Variants in DLG1 observed in about 807,000 individuals in gnomAD.
DLG1 encodes disks large homolog 1.
A neutral mutation model predicts 123.4 loss-of-function variants in DLG1; 42 were observed. The ratio of observed to expected loss-of-function variants is 0.34; its 90% CI spans 0.27 to 0.44. The LOEUF is 0.44. DLG1 is among the 20% of genes least tolerant of loss of function. The pLI, the probability that DLG1 is intolerant of heterozygous loss-of-function variation, is 1.00. For missense variants in DLG1, 942 were observed against 1,082.6 expected (o/e 0.87, Z 1.82); for synonymous variants, 317 against 356.2 (o/e 0.89, Z 1.24).
chr3:197,198,299 C>G (rs1239931707), intron 4 of DLG1, among the ~76,000 whole-genome samples: 1 of 152,008 alleles, frequency 6.6e-6, no homozygotes, highest in Non-Finnish European at 1.5e-5. Context: ...ACTAGCCTTA[C>G]TAATATAGTC....
intron 7 of DLG1, among the ~76,000 whole-genome samples, 170 bp downstream of exon 7, chr3:197,142,548 T>A (rs1788553434): frequency 6.6e-6 from 1 of 152,172 alleles, no homozygotes; most frequent in Admixed American, 6.5e-5. Flanking sequence ...AAAAATAAGG[T>A]TACTAAAGAA....
intron 17 of DLG1, among the ~76,000 whole-genome samples, chr3:197,077,563 G>A (rs1233654437): frequency 5.9e-5 from 9 of 152,166 alleles, no homozygotes; most frequent in African/African-American, 1.7e-4. Context: ...GTCCTTCATA[G>A]GGAATAAAAA....
At chr3:197,183,494 A>G (rs1238127742) in intron 5 of DLG1, 66 of 1,286,800 alleles carry the variant, frequency 5.1e-5, no homozygotes, top group Non-Finnish European at 6.7e-5. Flanking sequence ...TCTTTAAATA[A>G]AAAATCTATA....
intron 11 of DLG1, among the ~76,000 whole-genome samples, chr3:197,121,978 T>C (rs184246870): frequency 6.8e-4 from 104 of 152,108 alleles, no homozygotes; most frequent in African/African-American, 9.4e-4. Context: ...GATAGCTTCA[T>C]TGGAAAATTC....
At chr3:197,167,805 G>A (rs926568901) in intron 5 of DLG1, among the ~76,000 whole-genome samples, 9 of 152,066 alleles carry the variant, frequency 5.9e-5, no homozygotes, top group Admixed American at 3.3e-4. Context: ...AGTAACAAAC[G>A]TATCTATCAC....
chr3:197,275,274 G>T (rs773232959), intron 4 of DLG1, among the ~76,000 whole-genome samples: 4 of 152,146 alleles, frequency 2.6e-5, no homozygotes, highest in Non-Finnish European at 5.9e-5. Context: ...TCTGGCTACG[G>T]ATGTAAAGAA....
At chr3:197,222,223 C>A (rs1483359250) in intron 4 of DLG1, among the ~76,000 whole-genome samples, 2 of 152,126 alleles carry the variant, frequency 1.3e-5, no homozygotes, top group African/African-American at 4.8e-5. Context: ...CAGTTTTAAT[C>A]AATGAAATAT....
At chr3:197,161,709 G>C (rs1798841944) in intron 5 of DLG1, 1 of 1,574,914 alleles carries the variant, frequency 6.3e-7, no homozygotes, top group African/African-American at 1.4e-5. Flanking sequence ...CAGGGACAGT[G>C]GGAGGAGAGG....
chr3:197,271,391 G>A (rs552594468), intron 4 of DLG1, among the ~76,000 whole-genome samples: 113 of 152,284 alleles, frequency 7.4e-4, no homozygotes, highest in African/African-American at 2.6e-3. Flanking sequence ...CTTAGTGGCA[G>A]GAAGCATCCT....
intron 3 of DLG1, among the ~76,000 whole-genome samples, chr3:197,294,155 A>G (rs1410047899): frequency 6.6e-6 from 1 of 152,154 alleles, no homozygotes; most frequent in Non-Finnish European, 1.5e-5. Context: ...AGTATCAACA[A>G]TTATAGCATG....
intron 5 of DLG1, among the ~76,000 whole-genome samples, chr3:197,160,382 AC>A (rs1417654148): frequency 3.3e-5 from 5 of 150,974 alleles, no homozygotes; most frequent in African/African-American, 7.3e-5. Flanking sequence ...AAAAAAAAAA[AC>A]TGTACTAATA....
chr3:197,046,722 T>C (rs1723394004), intron 24 of DLG1, among the ~76,000 whole-genome samples: 3 of 151,942 alleles, frequency 2.0e-5, no homozygotes, highest in Non-Finnish European at 4.4e-5. Flanking sequence ...ATACAAAAAT[T>C]AGCTGGGCAT....
chr3:197,236,673 G>A (rs1337257477), intron 4 of DLG1, among the ~76,000 whole-genome samples: 1 of 152,148 alleles, frequency 6.6e-6, no homozygotes, highest in African/African-American at 2.4e-5. Context: ...ACAGGGGAAA[G>A]CTACAGCTGC....
At chr3:197,193,081 T>C (rs964582199) in intron 5 of DLG1, among the ~76,000 whole-genome samples, 1 of 152,090 alleles carries the variant, frequency 6.6e-6, no homozygotes, top group African/African-American at 2.4e-5. Flanking sequence ...ATATCACTCC[T>C]CAAAGAGAAT....
chr3:197,150,377 C>A (rs1183340857), intron 5 of DLG1, among the ~76,000 whole-genome samples: 1 of 151,552 alleles, frequency 6.6e-6, no homozygotes, highest in African/African-American at 2.4e-5. Flanking sequence ...TTTATTACAG[C>A]AAGAAAAATA....
intron 3 of DLG1, among the ~76,000 whole-genome samples, chr3:197,289,227 G>T (rs1773607157): frequency 1.3e-5 from 2 of 152,130 alleles, no homozygotes; most frequent in African/African-American, 4.8e-5. Context: ...ACTAGATGAG[G>T]TTTTTCACCT....
intron 9 of DLG1, among the ~76,000 whole-genome samples, chr3:197,137,713 T>A (rs1024586140): frequency 2.6e-5 from 4 of 152,158 alleles, no homozygotes; most frequent in Non-Finnish European, 5.9e-5. Context: ...CTCACACTTG[T>A]AATACCAGCA....
At chr3:197,066,677 T>C (rs769251180) in intron 20 of DLG1, 27 bp downstream of exon 20, 145 of 1,550,230 alleles carry the variant, frequency 9.4e-5, no homozygotes, top group Non-Finnish European at 1.2e-4. Flanking sequence ...TCTAGAAGGT[T>C]ATAAAACATC....
At position 197,105,019 on chromosome 3, in the gene DLG1, CA is replaced by C; in HGVS notation, c.1444-15del. On this transcript the variant is annotated splice_polypyrimidine_tract_variant and intron_variant, in intron 13 of 24. Coordinates refer to ENST00000667157, the MANE Select transcript of DLG1 (RefSeq NM_001366207.1). ...AACACTGTTTACCTGTAAATCAAAC[CA>C]AATCTTAATTTGGGAGAAAAGAATC... 6.5e-7 allele frequency: 1 copy of C among 1,526,846 alleles called. No individual in the cohort carries two copies. Among genetic ancestry groups the C allele is most frequent in the South Asian group, 1.2e-5 (1 of 84,684 alleles). 94.6% of individuals were successfully genotyped at this position (1,526,846 alleles called of 1,614,324 possible). A position where few individuals can be genotyped will look rare whatever the true frequency, so the allele number is the denominator to read the frequency against.
Sources: gnomAD v4.1 joint callset for allele counts (sites outside exome capture counted in the v4.1 genomes callset) on GRCh38, gnomAD v4.1.1 for gene constraint, MANE v1.5 for transcripts, NCBI Gene and HGNC (gene_info 2026-07-23, HGNC 2026-07-21) for gene names.